Variants in TENM2 observed in about 807,000 individuals in gnomAD.
TENM2 encodes the protein teneurin-2.
A neutral mutation model predicts 245.2 loss-of-function variants in TENM2; 52 were observed. That is an observed-to-expected ratio of 0.21 (90% CI 0.17 to 0.27). The LOEUF (loss-of-function observed/expected upper bound fraction) is 0.27, where lower values mean the gene tolerates loss of function less well. Among genes scored for constraint, TENM2 ranks in the 10% least tolerant of loss-of-function variants. The pLI, the probability that TENM2 is intolerant of heterozygous loss-of-function variation, is 1.00. For synonymous variants in TENM2, 1,363 were observed against 1,438.9 expected (o/e 0.95, Z 1.19); for missense variants, 3,046 against 3,666.8 (o/e 0.83, Z 4.37).
chr5:167,678,860 C>T lies in TENM2; in HGVS notation c.503-197126C>T, dbSNP rs558103219. Among the ~76,000 whole-genome samples, 26 of 152,164 alleles carry T rather than the reference C, an allele frequency of 1.7e-4. No individual in the cohort carries two copies. In the South Asian group the frequency reaches 4.6e-3, roughly 27 times the overall value. On this transcript the variant is annotated intron_variant, in intron 2 of 28. Transcript: ENST00000518659. ...TATTGTATTTTCCCTCAAAGAATGT[C>T]AATAAAGATTTTATTTTTTTCAATT...
intron 4 of TENM2, among the ~76,000 whole-genome samples, chr5:167,989,443 G>T (rs983216609): frequency 6.6e-6 from 1 of 152,054 alleles, no homozygotes; most frequent in African/African-American, 2.4e-5. Context: ...CAATTGAACG[G>T]GCTTGTTAAG....
chr5:167,432,720 C>A (rs1458161567), intron 2 of TENM2, among the ~76,000 whole-genome samples: 2 of 151,932 alleles, frequency 1.3e-5, no homozygotes. Context: ...CCTTTCTATT[C>A]CAGTTAACTT....
intron 5 of TENM2, among the ~76,000 whole-genome samples, chr5:167,995,411 G>A (rs1482059974): frequency 6.6e-6 from 1 of 152,142 alleles, no homozygotes; most frequent in East Asian, 1.9e-4. Context: ...TTCCTATTAT[G>A]TATTCTTTAG....
intron 1 of TENM2, among the ~76,000 whole-genome samples, chr5:167,356,608 T>A (rs1401664178): frequency 1.3e-5 from 2 of 152,202 alleles, no homozygotes; most frequent in African/African-American, 4.8e-5. Context: ...AATGGCCAAA[T>A]GGCCAGAGTA....
chr5:167,257,791 A>G, the TENM2 span, among the ~76,000 whole-genome samples: 1 of 152,274 alleles, frequency 6.6e-6, no homozygotes, highest in Admixed American at 6.5e-5. Context: ...CACTTGGTAC[A>G]TGTAAATGAA....
At chr5:167,326,413 G>A (rs1057380260) in intron 1 of TENM2, among the ~76,000 whole-genome samples, 1 of 151,940 alleles carries the variant, frequency 6.6e-6, no homozygotes, top group Non-Finnish European at 1.5e-5. Context: ...GGTGGCTCAC[G>A]CCTGTAAGCC....
the TENM2 span, among the ~76,000 whole-genome samples, chr5:167,190,473 A>T: frequency 2.6e-4 from 39 of 152,120 alleles, no homozygotes; most frequent in East Asian, 6.8e-3. Context: ...TACAGTCCTT[A>T]TATGTTTGGA....
the TENM2 span, among the ~76,000 whole-genome samples, chr5:167,061,756 GT>G: frequency 6.6e-6 from 1 of 152,026 alleles, no homozygotes; most frequent in Admixed American, 6.6e-5. Context: ...CTGAATTCGT[GT>G]GTTAAACGTG....
At chr5:167,209,258 A>G in the TENM2 span, among the ~76,000 whole-genome samples, 21 of 151,522 alleles carry the variant, frequency 1.4e-4, no homozygotes, top group African/African-American at 5.1e-4. Flanking sequence ...AAAGTTAGCT[A>G]TTTTTAGTAA....
chr5:167,251,213 C>T, the TENM2 span, among the ~76,000 whole-genome samples: 3 of 151,996 alleles, frequency 2.0e-5, no homozygotes, highest in Admixed American at 2.0e-4. Flanking sequence ...TCACAAAGCG[C>T]TGGAAGAACG....
At chr5:167,955,282 T>C (rs1170664367) in intron 4 of TENM2, among the ~76,000 whole-genome samples, 1 of 152,142 alleles carries the variant, frequency 6.6e-6, no homozygotes, top group African/African-American at 2.4e-5. Flanking sequence ...GAAGTGTCTG[T>C]TCATATCCTT....
chr5:168,192,142 G>A lies in TENM2; in HGVS notation c.2780+1595G>A, dbSNP rs565373121. Among the ~76,000 whole-genome samples, 9 of 152,230 alleles carry A rather than the reference G, an allele frequency of 5.9e-5. No individual in the cohort carries two copies. The East Asian group carries it at 1.3e-3, about 23-fold the overall frequency. ...AATTAGGATAACACTATTTAAATAC[G>A]TAAAAGTTGATCAGACAAATTGGGT... On this transcript the variant is annotated intron_variant, in intron 14 of 28. Transcript: ENST00000518659.
the TENM2 span, among the ~76,000 whole-genome samples, chr5:166,989,853 CG>C: frequency 1.3e-5 from 2 of 149,434 alleles, no homozygotes; most frequent in Non-Finnish European, 3.0e-5. Context: ...TAGATGATAA[CG>C]GTATTAAGCC....
At chr5:167,080,342 C>A in the TENM2 span, among the ~76,000 whole-genome samples, 1 of 152,076 alleles carries the variant, frequency 6.6e-6, no homozygotes, top group African/African-American at 2.4e-5. Context: ...TTTATGGGAA[C>A]AAGAAGTGCT....
intron 19 of TENM2, among the ~76,000 whole-genome samples, chr5:168,210,872 C>T (rs1488326649): frequency 5.3e-5 from 8 of 152,142 alleles, no homozygotes; most frequent in Admixed American, 5.2e-4. Flanking sequence ...ACCTTGGCAT[C>T]TTCTCGTCTC....
intron 2 of TENM2, among the ~76,000 whole-genome samples, chr5:167,677,813 A>G (rs1184227086): frequency 6.6e-6 from 1 of 151,152 alleles, no homozygotes; most frequent in Non-Finnish European, 1.5e-5. Flanking sequence ...TTCTAAGATA[A>G]GTTTGAATAG....
At chr5:167,417,649 C>A (rs868028237) in intron 2 of TENM2, among the ~76,000 whole-genome samples, 1 of 152,074 alleles carries the variant, frequency 6.6e-6, no homozygotes, top group Non-Finnish European at 1.5e-5. Context: ...GGCATTCCTA[C>A]GTGGTAAGTG....
intron 3 of TENM2, among the ~76,000 whole-genome samples, chr5:167,882,745 G>T (rs978138039): frequency 2.0e-5 from 3 of 152,136 alleles, no homozygotes; most frequent in Admixed American, 1.3e-4. Context: ...ACTGCCCAGT[G>T]ATCCAATTAC....
At chr5:167,613,013 G>T (rs1777572110) in intron 2 of TENM2, among the ~76,000 whole-genome samples, 1 of 152,084 alleles carries the variant, frequency 6.6e-6, no homozygotes, top group Non-Finnish European at 1.5e-5. Flanking sequence ...ATCTCAGCAG[G>T]TAAAGACACG....
Sources: allele counts gnomAD v4.1 joint callset (sites outside exome capture counted in the v4.1 genomes callset), GRCh38; gene constraint gnomAD v4.1.1; transcripts MANE v1.5; gene names NCBI Gene and HGNC (gene_info 2026-07-23, HGNC 2026-07-21).